Variants in SLC30A9 observed in about 807,000 individuals in gnomAD.
SLC30A9 encodes the protein proton-coupled zinc antiporter SLC30A9, mitochondrial.
A neutral mutation model predicts 87.5 loss-of-function variants in SLC30A9; 58 were observed. The observed-to-expected ratio is 0.66, with a 90% CI of 0.54 to 0.82. The LOEUF (loss-of-function observed/expected upper bound fraction) is 0.82, where lower values mean the gene tolerates loss of function less well. Ranked by LOEUF, SLC30A9 falls within the 40% of genes least tolerant of loss-of-function variation. The probability of loss-of-function intolerance (pLI) is 0.00; values close to 1 mark genes in which losing one functional copy is unlikely to be tolerated. For synonymous variants in SLC30A9, 234 were observed against 233.0 expected (o/e 1.00, Z -0.04); for missense variants, 557 against 679.1 (o/e 0.82, Z 2.00).
chr4:42,086,243 T>C lies in SLC30A9; in HGVS notation c.*117T>C. Reference sequence around the variant, plus strand: ...TCAGTGCCATGCAGAAGCCTTTTTTTTAAGATGAAGGAAATATTTTATGTA... The same window carrying C: ...TCAGTGCCATGCAGAAGCCTTTTTTCTAAGATGAAGGAAATATTTTATGTA... On this transcript the variant is annotated 3_prime_UTR_variant, in exon 18 of 18. Transcript: ENST00000264451. The C allele has an allele frequency of 1.9e-6, 1 of 527,346 alleles. No individual in the cohort carries two copies. Among genetic ancestry groups the C allele is most frequent in the Non-Finnish European group, 3.4e-6 (1 of 297,400 alleles). 32.7% of individuals were successfully genotyped at this position (527,346 alleles called of 1,614,324 possible). A position where few individuals can be genotyped will look rare whatever the true frequency, so the allele number is the denominator to read the frequency against.
At position 42,089,069 on chromosome 4, in the gene SLC30A9, T is replaced by C. The variant is rs1301868751; in HGVS notation, c.*2943T>C. 6.6e-6 allele frequency: 1 copy of C among 152,204 alleles called. No homozygotes were observed. Among genetic ancestry groups the C allele is most frequent in the Non-Finnish European group, 1.5e-5 (1 of 68,030 alleles). The allele number at this position is 152,204 out of a possible 1,614,324, so 9.4% of individuals were successfully genotyped here. ...CATATAGCATTTGAGTATTAAAGCATATAAATCATTTTTAAGGAAAATATT... is the reference window on the plus strand; with the variant it reads ...CATATAGCATTTGAGTATTAAAGCACATAAATCATTTTTAAGGAAAATATT... On this transcript the variant is annotated 3_prime_UTR_variant, in exon 18 of 18. Coordinates refer to ENST00000264451, the MANE Select transcript of SLC30A9 (RefSeq NM_006345.4).
intron 8 of SLC30A9, among the ~76,000 whole-genome samples, chr4:42,047,062 C>T (rs1019404957): frequency 1.3e-5 from 2 of 152,148 alleles, no homozygotes; most frequent in Non-Finnish European, 2.9e-5. Context: ...GTCTTTATAC[C>T]TTATACAAAA....
intron 8 of SLC30A9, among the ~76,000 whole-genome samples, chr4:42,040,961 G>A (rs1394878213): frequency 6.6e-6 from 1 of 152,072 alleles, no homozygotes. Flanking sequence ...AAAGAAAGAG[G>A]TTTAATTGGA....
intron 8 of SLC30A9, among the ~76,000 whole-genome samples, chr4:42,044,448 G>A (rs772236573): frequency 2.1e-5 from 3 of 144,698 alleles, no homozygotes; most frequent in South Asian, 2.2e-4. Flanking sequence ...ATTTTAAACC[G>A]ACAAAGATCA....
chr4:42,044,998 G>C (rs568937239), intron 8 of SLC30A9, among the ~76,000 whole-genome samples: 1 of 152,214 alleles, frequency 6.6e-6, no homozygotes, highest in East Asian at 1.9e-4. Flanking sequence ...AAATAAATAA[G>C]TTCCTTGACA....
At chr4:42,085,596 T>C (rs1056646333) in intron 17 of SLC30A9, among the ~76,000 whole-genome samples, 8 of 152,236 alleles carry the variant, frequency 5.3e-5, no homozygotes, top group Non-Finnish European at 1.2e-4. Context: ...ACTGCTATGC[T>C]GGTCTCCCTA....
Position 42,020,460 on chromosome 4 carries a change from C to A in SLC30A9, c.379C>A (p.Gln127Lys). 1 of 1,601,646 alleles carries A rather than the reference C, an allele frequency of 6.2e-7. No individual in the cohort carries two copies. Among genetic ancestry groups the A allele is most frequent in the Non-Finnish European group, 8.5e-7 (1 of 1,170,270 alleles). Residue 127 changes from glutamine (Q) to lysine (K), a missense_variant, in exon 4 of 18, where the codon CAG becomes AAG. Gln to Lys is a moderately conservative substitution (Grantham distance 53). Transcript: ENST00000264451. Reference sequence around the variant, plus strand: ...AAGGGAGTATGGCTCAAAGTACACTCAGAATAATTTCATCACTGGAGTCAG... The same window carrying A: ...AAGGGAGTATGGCTCAAAGTACACTAAGAATAATTTCATCACTGGAGTCAG... ...KKREYGSKYTQNNFITGVRAI... is the reference protein window; with the variant it reads ...KKREYGSKYTKNNFITGVRAI...
intron 1 of SLC30A9, 112 bp from the exon 2 acceptor site, chr4:42,001,504 T>A: frequency 1.9e-6 from 1 of 537,476 alleles, no homozygotes; most frequent in East Asian, 3.2e-5. Context: ...TACAAAATGG[T>A]ATTTCATGTG....
chr4:42,057,430 C>T (rs1717668252), intron 9 of SLC30A9, among the ~76,000 whole-genome samples: 1 of 152,228 alleles, frequency 6.6e-6, no homozygotes, highest in Non-Finnish European at 1.5e-5. Context: ...CACGTGGAAG[C>T]TGCCAAGGCT....
intron 1 of SLC30A9, among the ~76,000 whole-genome samples, chr4:41,997,033 C>CAAATAAATAAATAAATAAATAAATAAAT (rs71650957): frequency 2.1e-5 from 3 of 140,920 alleles, no homozygotes; most frequent in Admixed American, 7.2e-5. Flanking sequence ...GACTCCATCT[C>CAAATAAATAAATAAATAAATAAATAAAT]AAATAAATAA....
intron 8 of SLC30A9, among the ~76,000 whole-genome samples, chr4:42,045,659 AC>A (rs1217156819): frequency 6.6e-6 from 1 of 152,008 alleles, no homozygotes; most frequent in Non-Finnish European, 1.5e-5. Context: ...AGGAGCTGGT[AC>A]CATTTCTTCT....
At chr4:42,060,871 C>G (rs1021632363) in intron 10 of SLC30A9, among the ~76,000 whole-genome samples, 3 of 152,018 alleles carry the variant, frequency 2.0e-5, no homozygotes, top group African/African-American at 4.8e-5. Flanking sequence ...AAAAAGTGCA[C>G]TTTTATTTCT....
chr4:42,065,695 AC>A (rs1306517684), intron 12 of SLC30A9, among the ~76,000 whole-genome samples: 1 of 152,220 alleles, frequency 6.6e-6, no homozygotes, highest in Non-Finnish European at 1.5e-5. Flanking sequence ...TAGCAAGCCC[AC>A]CATATTTGTG....
intron 17 of SLC30A9, among the ~76,000 whole-genome samples, chr4:42,080,847 A>C (rs972411353): frequency 1.3e-5 from 2 of 152,212 alleles, no homozygotes; most frequent in South Asian, 2.1e-4. Flanking sequence ...TCTTTTACCC[A>C]TGCATGATTC....
At chr4:42,045,215 G>A (rs1717096468) in intron 8 of SLC30A9, among the ~76,000 whole-genome samples, 1 of 152,076 alleles carries the variant, frequency 6.6e-6, no homozygotes, top group African/African-American at 2.4e-5. Context: ...TAAGATCAGA[G>A]CAGAACTGAA....
At chr4:42,002,025 G>A (rs914751706) in intron 2 of SLC30A9, among the ~76,000 whole-genome samples, 1 of 151,856 alleles carries the variant, frequency 6.6e-6, no homozygotes, top group African/African-American at 2.4e-5. Flanking sequence ...GGTATAAAGT[G>A]TATAATAATG....
chr4:42,082,965 A>C (rs1445294020), intron 17 of SLC30A9, among the ~76,000 whole-genome samples: 1 of 152,170 alleles, frequency 6.6e-6, no homozygotes, highest in Non-Finnish European at 1.5e-5. Flanking sequence ...AATTAATATA[A>C]AATATATCTT....
At chr4:42,045,306 G>A (rs1717101026) in intron 8 of SLC30A9, among the ~76,000 whole-genome samples, 1 of 151,708 alleles carries the variant, frequency 6.6e-6, no homozygotes, top group Admixed American at 6.6e-5. Flanking sequence ...AAAATACATA[G>A]ACCACTAGCC....
At chr4:41,997,033 C>CAAATAAATAAATAAATAAAT (rs71650957) in intron 1 of SLC30A9, among the ~76,000 whole-genome samples, 1,828 of 140,878 alleles carry the variant, frequency 0.013, 20 homozygotes, top group Admixed American at 0.021. Context: ...GACTCCATCT[C>CAAATAAATAAATAAATAAAT]AAATAAATAA....
Sources: gnomAD v4.1 joint callset for allele counts (sites outside exome capture counted in the v4.1 genomes callset) on GRCh38, gnomAD v4.1.1 for gene constraint, MANE v1.5 for transcripts, NCBI Gene and HGNC (gene_info 2026-07-23, HGNC 2026-07-21) for gene names.